Variants in SLC25A45 observed in about 807,000 individuals in gnomAD.
SLC25A45 encodes methylated amino-acid transporter SLC25A45.
SLC25A45 carries 22 observed loss-of-function variants against 23.0 expected under a neutral mutation model. The ratio of observed to expected loss-of-function variants is 0.95; its 90% CI spans 0.68 to 1.36. The LOEUF (loss-of-function observed/expected upper bound fraction) is 1.36. SLC25A45 is among the 40% of genes most tolerant of loss of function. The pLI is 0.00. For missense variants in SLC25A45, 355 were observed against 383.5 expected (o/e 0.93, Z 0.62); for synonymous variants, 136 against 155.0 (o/e 0.88, Z 0.91).
Position 65,376,212 on chromosome 11 carries a change from G to T in SLC25A45, c.*195C>A. The T allele has an allele frequency of 3.1e-6, 2 of 645,470 alleles. No homozygotes were observed. The highest frequency in any genetic ancestry group is 5.3e-6 in the Non-Finnish European group (2 of 378,648). The allele number at this position is 645,470 out of a possible 1,614,324, so 40.0% of individuals were successfully genotyped here. A position where few individuals can be genotyped will look rare whatever the true frequency, so the allele number is the denominator to read the frequency against. On this transcript the variant is annotated 3_prime_UTR_variant, in exon 7 of 7. Transcript: ENST00000398802. Reference sequence around the variant, plus strand: ...AAAGGAGTCAAGGCCAGCTACACAGGGAGGCTGCACAGGCCCCCTGGCTTC... The same window carrying T: ...AAAGGAGTCAAGGCCAGCTACACAGTGAGGCTGCACAGGCCCCCTGGCTTC...
At chr11:65,377,557 G>A (rs1435442444) in intron 5 of SLC25A45, 1 of 293,432 alleles carries the variant, frequency 3.4e-6, no homozygotes, top group Non-Finnish European at 5.1e-6. Flanking sequence ...GAGGCCCGGA[G>A]GGGCACAAGG....
chr11:65,379,845 C>T, intron 4 of SLC25A45, 22 bp downstream of exon 4: 2 of 1,613,988 alleles, frequency 1.2e-6, no homozygotes, highest in South Asian at 1.1e-5. Context: ...GGGGAAGGAC[C>T]CCAAAGGAGT....
At chr11:65,376,794 A>C in intron 6 of SLC25A45, 24 bp downstream of exon 6, 1 of 1,614,132 alleles carries the variant, frequency 6.2e-7, no homozygotes, top group Non-Finnish European at 8.5e-7. Context: ...TCTGTCCCCC[A>C]TCCTCTCACG....
rs749527843 is a variant in SLC25A45 at position 65,380,098 on chromosome 11, T to C, written c.81+34A>G. 28 of 1,605,448 alleles carry C rather than the reference T, an allele frequency of 1.7e-5. 1 individual carries two copies. The highest frequency in any genetic ancestry group is 2.3e-5 in the Non-Finnish European group (27 of 1,172,192). On this transcript the variant is annotated intron_variant, in intron 3 of 6. Transcript: ENST00000398802. ...ACCCTGACATTTGGGTCAGGTGAGA[T>C]CTTTCATTCCTCTGGCAGCTCTCCT...
rs116057949 is a variant in SLC25A45, at chr11:65,381,451, G to T, written c.37+464C>A. ...GCCTCTCATTTCTTATAAAGACAGG[G>T]TCTTCCTATGTTGCCCAGGCTGGTC... On this transcript the variant is annotated intron_variant, in intron 2 of 6. Coordinates refer to ENST00000398802, the MANE Select transcript of SLC25A45 (RefSeq NM_182556.4). 3.0e-3 allele frequency: 496 copies of T among 167,928 alleles called. 4 individuals are homozygous for T. Among genetic ancestry groups the T allele is most frequent in the African/African-American group, 0.011 (466 of 41,702 alleles). 10.4% of individuals were successfully genotyped at this position (167,928 alleles called of 1,614,324 possible).
Position 65,376,009 on chromosome 11 carries a change from G to A in SLC25A45, c.*398C>T. On this transcript the variant is annotated 3_prime_UTR_variant, in exon 7 of 7. Coordinates refer to ENST00000398802, the MANE Select transcript of SLC25A45 (RefSeq NM_182556.4). ...CCCGGAAGGTGGAAAGGCGGAGGTT[G>A]CAGTGAGCCGAGATCACGCCACTGC... The A allele has an allele frequency of 5.3e-6, 1 of 187,092 alleles. No homozygotes were observed. The highest frequency in any genetic ancestry group is 1.1e-5 in the Non-Finnish European group (1 of 90,956). The allele number at this position is 187,092 out of a possible 1,614,324, so 11.6% of individuals were successfully genotyped here.
chr11:65,377,254 GA>G (rs1855263898), intron 5 of SLC25A45, 178 bp from the exon 6 acceptor site: 1 of 1,427,326 alleles, frequency 7.0e-7, no homozygotes, highest in Non-Finnish European at 9.1e-7. Flanking sequence ...GTCTGCATGC[GA>G]CCGGGACAGG....
At chr11:65,380,073 A>T in intron 3 of SLC25A45, 59 bp downstream of exon 3, 1 of 1,578,030 alleles carries the variant, frequency 6.3e-7, no homozygotes, top group Non-Finnish European at 8.7e-7. Context: ...ATCTCAGGGC[A>T]CCCTGACATT....
rs776990062 is a variant in SLC25A45 at position 65,376,886 on chromosome 11, G to A, written c.530C>T (p.Thr177Met). ...ATAGGTGATGAAGTAGATCCCCACC[G>A]TGGGGGTGTCCCTCAGCGTCAGGGC... is the stretch of plus-strand genomic sequence containing the variant. ...AWALTLRDTP[T>M]VGIYFITYEG... The change falls in exon 6 of 7, where the codon ACG becomes ATG. Residue 177 changes from threonine to methionine, a missense_variant. Physicochemically the swap from Thr to Met is moderately conservative, Grantham distance 81. Transcript: ENST00000398802. 13 of 1,614,070 alleles carry A rather than the reference G, an allele frequency of 8.1e-6. No homozygotes were observed. The highest frequency in any genetic ancestry group is 1.6e-4 in the Middle Eastern group (1 of 6,084).
intron 5 of SLC25A45, 89 bp downstream of exon 5, chr11:65,379,287 G>T (rs1855395490): frequency 1.3e-6 from 2 of 1,485,404 alleles, no homozygotes; most frequent in South Asian, 2.3e-5. Flanking sequence ...TGCCTCCACA[G>T]CTGTGGGTCG....
At position 65,380,091 on chromosome 11, in the gene SLC25A45, G is replaced by A. The variant is rs201820298; in HGVS notation, c.81+41C>T. 1.4e-3 allele frequency: 2,210 copies of A among 1,600,840 alleles called. 3 individuals are homozygous for A. Among genetic ancestry groups the A allele is most frequent in the Non-Finnish European group, 1.7e-3 (2,009 of 1,167,808 alleles). The stretch of plus-strand genomic sequence containing the variant: ...TCAGGGCACCCTGACATTTGGGTCA[G>A]GTGAGATCTTTCATTCCTCTGGCAG... On this transcript the variant is annotated intron_variant, in intron 3 of 6. Coordinates refer to ENST00000398802, the MANE Select transcript of SLC25A45 (RefSeq NM_182556.4).
At position 65,381,898 on chromosome 11, in the gene SLC25A45, G is replaced by A. The variant is rs1855582087; in HGVS notation, c.37+17C>T. ...ACCATTGGGTGTGATGTGACAGAAG[G>A]AAGAAAAATGTCTCACCAGAGATCC... On this transcript the variant is annotated intron_variant, in intron 2 of 6. Coordinates refer to ENST00000398802, the MANE Select transcript of SLC25A45 (RefSeq NM_182556.4). 6.2e-7 allele frequency: 1 copy of A among 1,613,922 alleles called. No homozygotes were observed. The highest frequency in any genetic ancestry group is 8.5e-7 in the Non-Finnish European group (1 of 1,179,972).
rs1359837792 is a variant in SLC25A45, at chr11:65,382,091, A to ACCT, written c.-18-125_-18-123dup. On this transcript the variant is annotated intron_variant, in intron 1 of 6. Transcript: ENST00000398802. The surrounding 1 kb of genome is among the most constrained non-coding windows in gnomAD (Gnocchi z 4.4). The stretch of plus-strand genomic sequence containing the variant: ...AGGTGAGAATTGGCCTGGTGCCCAG[A>ACCT]CCTCCGGCAACTGGCAGAGGAGAGC... The ACCT allele has an allele frequency of 1.3e-6, 1 of 746,314 alleles. No individual in the cohort carries two copies. The highest frequency in any genetic ancestry group is 2.6e-5 in the East Asian group (1 of 37,800). 46.2% of individuals were successfully genotyped at this position (746,314 alleles called of 1,614,324 possible).
At position 65,382,613 on chromosome 11, in the gene SLC25A45, G is replaced by C. The variant is rs886345000; in HGVS notation, c.-146C>G. 1 of 153,850 alleles carries C rather than the reference G, an allele frequency of 6.5e-6. No individual in the cohort carries two copies. Among genetic ancestry groups the C allele is most frequent in the African/African-American group, 2.4e-5 (1 of 41,444 alleles). 9.5% of individuals were successfully genotyped at this position (153,850 alleles called of 1,614,324 possible). On this transcript the variant is annotated 5_prime_UTR_variant, in exon 1 of 7. Transcript: ENST00000398802. The surrounding 1 kb of genome is among the most constrained non-coding windows in gnomAD (Gnocchi z 4.4). ...TAGGGGTTTTGATTATTTAAAGTGC[G>C]TGTTGATCTGCAATGGCACCATTCT...
chr11:65,379,641 C>G (rs540493084), intron 4 of SLC25A45, 80 bp from the exon 5 acceptor site: 22 of 1,449,832 alleles, frequency 1.5e-5, no homozygotes, highest in Admixed American at 2.3e-5. Context: ...AAGGCAGCCT[C>G]TGGCTGGAAA....
At chr11:65,381,860 G>A (rs142281092) in intron 2 of SLC25A45, 55 bp downstream of exon 2, 240 of 1,610,892 alleles carry the variant, frequency 1.5e-4, no homozygotes, top group Non-Finnish European at 1.8e-4. Context: ...CCATCTTCCC[G>A]AGGAAGTGAC....
intron 3 of SLC25A45, 35 bp from the exon 4 acceptor site, chr11:65,379,973 A>C (rs1565580608): frequency 6.2e-7 from 1 of 1,613,014 alleles, no homozygotes; most frequent in East Asian, 2.2e-5. Context: ...GGGTGGCGGG[A>C]TGGGCAGGTG....
chr11:65,379,960 G>A (rs1855459599), intron 3 of SLC25A45, 22 bp from the exon 4 acceptor site: 2 of 1,613,972 alleles, frequency 1.2e-6, no homozygotes, highest in Admixed American at 1.7e-5. Flanking sequence ...GACAGAGCAG[G>A]TAGGGTGGCG....
intron 2 of SLC25A45, 111 bp downstream of exon 2, chr11:65,381,804 C>T (rs1490008377): frequency 2.3e-5 from 32 of 1,383,222 alleles, no homozygotes; most frequent in Admixed American, 5.0e-5. Context: ...GTGATCCTCC[C>T]GCCAGGCCGG....
Sources: gnomAD v4.1 joint callset for allele counts on GRCh38, gnomAD v4.1.1 for gene constraint, Gnocchi (gnomAD v3.1) non-coding constraint, MANE v1.5 for transcripts, NCBI Gene and HGNC (gene_info 2026-07-23, HGNC 2026-07-21) for gene names.